Variants in LPA observed in about 807,000 individuals in gnomAD.
LPA encodes lipoprotein(a).
A neutral mutation model predicts 197.9 loss-of-function variants in LPA; 199 were observed. The ratio of observed to expected loss-of-function variants is 1.01; its 90% CI spans 0.90 to 1.13. LPA has a LOEUF of 1.13. Among genes scored for constraint, LPA ranks in the 50% most tolerant of loss-of-function variants. The pLI, the probability that LPA is intolerant of heterozygous loss-of-function variation, is 0.00. For synonymous variants in LPA, 715 were observed against 639.5 expected (o/e 1.12, Z -1.78); for missense variants, 1,853 against 1,785.8 (o/e 1.04, Z -0.68).
intron 23 of LPA, 68 bp from the exon 24 acceptor site, chr6:160,589,780 C>T: frequency 6.3e-7 from 1 of 1,577,736 alleles, no homozygotes; most frequent in Non-Finnish European, 8.7e-7. Flanking sequence ...AAAAAAAATC[C>T]ATGATAGAAA....
Position 160,531,593 on chromosome 6 carries a change from A to G in LPA, c.*136T>C, listed in dbSNP as rs1777806841. On this transcript the variant is annotated 3_prime_UTR_variant, in exon 39 of 39. Coordinates refer to ENST00000316300, the MANE Select transcript of LPA (RefSeq NM_005577.4). ...AAGCTTATACACAAAAATACCAAAA[A>G]TGCCAAGGTTTGGCATAGCTGGTAG... 7 of 1,214,590 alleles carry G rather than the reference A, an allele frequency of 5.8e-6. No individual in the cohort carries two copies. The highest frequency in any genetic ancestry group is 8.4e-6 in the Non-Finnish European group (7 of 834,680). 75.2% of individuals were successfully genotyped at this position (1,214,590 alleles called of 1,614,324 possible).
intron 36 of LPA, among the ~76,000 whole-genome samples, chr6:160,539,002 A>G (rs1562314268): frequency 6.6e-6 from 1 of 152,330 alleles, no homozygotes; most frequent in Admixed American, 6.5e-5. Context: ...GCTACTGTTT[A>G]TAAAGGCTGA....
chr6:160,567,561 A>G (rs1363226812), intron 28 of LPA, among the ~76,000 whole-genome samples: 1 of 152,214 alleles, frequency 6.6e-6, no homozygotes, highest in African/African-American at 2.4e-5. Context: ...TAAAATTGAC[A>G]CCCTAACATC....
chr6:160,657,688 C>T (rs1780155226), intron 1 of LPA, among the ~76,000 whole-genome samples: 1 of 152,152 alleles, frequency 6.6e-6, no homozygotes, highest in Non-Finnish European at 1.5e-5. Context: ...TGAGCCACTG[C>T]TCCCGGCCCT....
chr6:160,534,093 G>A (rs1777847140), intron 37 of LPA, among the ~76,000 whole-genome samples: 1 of 152,152 alleles, frequency 6.6e-6, no homozygotes, highest in African/African-American at 2.4e-5. Flanking sequence ...TTCGGTGTCA[G>A]AAAACTGACA....
At chr6:160,582,250 G>A (rs1583595047) in intron 26 of LPA, among the ~76,000 whole-genome samples, 1 of 149,344 alleles carries the variant, frequency 6.7e-6, no homozygotes, top group Non-Finnish European at 1.5e-5. Flanking sequence ...CATTTTTTCT[G>A]ACCTGATCTT....
chr6:160,546,566 C>T (rs1052243605), intron 32 of LPA, among the ~76,000 whole-genome samples: 1 of 152,168 alleles, frequency 6.6e-6, no homozygotes, highest in African/African-American at 2.4e-5. Flanking sequence ...AGATCTTTAT[C>T]CAGCTGGGCA....
chr6:160,560,938 C>T (rs1189101316), intron 28 of LPA, among the ~76,000 whole-genome samples: 1 of 152,004 alleles, frequency 6.6e-6, no homozygotes, highest in African/African-American at 2.4e-5. Context: ...TTGATGGAGT[C>T]TCACTCTGTT....
In LPA at chr6:160,599,581, G is replaced by A; in HGVS notation, c.3206C>T (p.Thr1069Ile). The change falls in exon 20 of 39, where the codon ACT (threonine) becomes ATT (isoleucine). Residue 1069 changes from threonine (T) to isoleucine (I), a missense_variant. This residue lies in a region of LPA where 1,737 missense variants were observed against 1,504.4 expected (regional missense o/e 1.15). Transcript: ENST00000316300. ...AGCTTGGCAAGTTCTTCCTGTGACAGTGGTGGAGTATGTGCCTCGGTAACT... is the reference window on the plus strand; with the variant it reads ...AGCTTGGCAAGTTCTTCCTGTGACAATGGTGGAGTATGTGCCTCGGTAACT... ...GQSYRGTYSTTVTGRTCQAWS... is the reference protein window; with the variant it reads ...GQSYRGTYSTIVTGRTCQAWS... 3 of 1,614,154 alleles carry A rather than the reference G, an allele frequency of 1.9e-6. No individual in the cohort carries two copies. In the South Asian group the frequency reaches 3.3e-5, roughly 18 times the overall value.
At chr6:160,535,690 G>T (rs77992356) in intron 37 of LPA, among the ~76,000 whole-genome samples, 1 of 152,074 alleles carries the variant, frequency 6.6e-6, no homozygotes, top group Non-Finnish European at 1.5e-5. Context: ...TGGTGGCGAT[G>T]ATGTTGATGG....
intron 29 of LPA, 143 bp downstream of exon 29, chr6:160,557,247 C>T (rs1778279140): frequency 9.8e-7 from 1 of 1,022,550 alleles, no homozygotes; most frequent in Non-Finnish European, 1.5e-6. Flanking sequence ...AATTGCTCCA[C>T]CAGAGAGAGT....
In LPA at chr6:160,664,218, G is replaced by A. The variant is rs754714588; in HGVS notation, c.-4C>T. The A allele has an allele frequency of 1.2e-5, 19 of 1,606,196 alleles. No homozygotes were observed. Among genetic ancestry groups the A allele is most frequent in the Non-Finnish European group, 1.4e-5 (16 of 1,178,064 alleles). On this transcript the variant is annotated 5_prime_UTR_variant, in exon 1 of 39. Coordinates refer to ENST00000316300, the MANE Select transcript of LPA (RefSeq NM_005577.4). ...GAACCACTTCCTTATGTTCCATTTT[G>A]GGACTGGCCAGCAGTGCCCAGAAAG... is the stretch of plus-strand genomic sequence containing the variant.
intron 25 of LPA, 90 bp from the exon 26 acceptor site, chr6:160,585,295 G>A (rs1258072236): frequency 1.6e-6 from 2 of 1,271,952 alleles, no homozygotes; most frequent in South Asian, 1.2e-5. Context: ...ATAATCTGAG[G>A]ATTAACAATT....
At chr6:160,597,844 T>C (rs1368599888) in intron 20 of LPA, among the ~76,000 whole-genome samples, 2 of 152,190 alleles carry the variant, frequency 1.3e-5, no homozygotes, top group Non-Finnish European at 2.9e-5. Flanking sequence ...TGTAGTAAAG[T>C]TATAAATTTA....
intron 26 of LPA, among the ~76,000 whole-genome samples, chr6:160,579,076 A>C (rs551867512): frequency 6.6e-6 from 1 of 152,248 alleles, no homozygotes; most frequent in African/African-American, 2.4e-5. Context: ...ATGCACATAC[A>C]AAGATATCTC....
rs753460542 is a variant in LPA at position 160,548,478 on chromosome 6, C to T, written c.5155G>A (p.Asp1719Asn). 6.2e-7 allele frequency: 1 copy of T among 1,613,854 alleles called. No homozygotes were observed. The highest frequency in any genetic ancestry group is 1.1e-5 in the South Asian group (1 of 91,066). ...ACAAGGTAAGACACAGACTTCTTAC[C>T]TTGTTCAGAAGGAGGCCCTAGGCTT... is the stretch of plus-strand genomic sequence containing the variant. ...VPSLGPPSEQ[D>N]CMFGNGKGYR... The change falls in exon 31 of 39, where the codon GAC (aspartate) becomes AAC (asparagine). Residue 1719 changes from aspartate (D) to asparagine (N), a missense_variant and splice_region_variant. Physicochemically the swap from Asp to Asn is conservative, Grantham distance 23 (BLOSUM62 1). Around this residue, in one of 3 missense-constraint regions of LPA, gnomAD observed 1,737 missense variants for 1,504.4 expected, o/e 1.15. Coordinates refer to ENST00000316300, the MANE Select transcript of LPA (RefSeq NM_005577.4).
chr6:160,584,579 G>A (rs937240079), intron 26 of LPA, among the ~76,000 whole-genome samples: 10 of 151,998 alleles, frequency 6.6e-5, no homozygotes, highest in East Asian at 1.9e-4. Flanking sequence ...TGATCTGCCC[G>A]TCTTGTCCTC....
chr6:160,544,113 T>G (rs1459117865), intron 33 of LPA, among the ~76,000 whole-genome samples: 1 of 152,216 alleles, frequency 6.6e-6, no homozygotes, highest in Non-Finnish European at 1.5e-5. Flanking sequence ...CCTGGGAAGC[T>G]ACTGCACTTC....
chr6:160,596,599 A>C (rs1159217296), intron 20 of LPA, among the ~76,000 whole-genome samples: 1 of 152,134 alleles, frequency 6.6e-6, no homozygotes, highest in Non-Finnish European at 1.5e-5. Flanking sequence ...ACATGATGCC[A>C]TTACATATTA....
Sources: gnomAD v4.1 joint callset for allele counts (sites outside exome capture counted in the v4.1 genomes callset) on GRCh38, gnomAD v4.1.1 for gene constraint, gnomAD v4.1.1 regional missense constraint, MANE v1.5 for transcripts, NCBI Gene and HGNC (gene_info 2026-07-23, HGNC 2026-07-21) for gene names.